HMCN2: variants seen among roughly 807,000 people sequenced by gnomAD.
HMCN2 encodes the protein hemicentin-2.
Under a neutral mutation model 377.5 loss-of-function variants are expected in HMCN2, and 325 were observed. The observed-to-expected ratio is 0.86, with a 90% CI of 0.79 to 0.94. HMCN2 has a LOEUF of 0.94. Ranked by LOEUF, HMCN2 falls within the 40% of genes least tolerant of loss-of-function variation. The pLI is 0.00. For synonymous variants in HMCN2, 2,007 were observed against 2,046.8 expected, an observed-to-expected ratio of 0.98 and a Z score of 0.53; for missense variants, 4,543 against 4,725.3, an observed-to-expected ratio of 0.96 and a Z score of 1.13.
rs1416907983 is a variant in HMCN2, at chr9:130,400,877, G to T, written c.11700G>T (p.Pro3900=). ...LTCHSTGIPA[P]TVSWSKAGAQ... is the part of the protein sequence containing the mutation. ...GTCACAGCACGGGTATACCAGCTCC[G>T]ACCGTGTCCTGGAGCAAGGCAGGCG... The change falls in exon 77 of 98, where the codon CCG becomes CCT. Residue 3900 remains proline, a synonymous_variant. Transcript: ENST00000683500. The T allele has an allele frequency of 3.1e-6, 4 of 1,289,542 alleles. No individual in the cohort carries two copies. Among genetic ancestry groups the T allele is most frequent in the Non-Finnish European group, 3.0e-6 (3 of 988,750 alleles). 79.9% of individuals were successfully genotyped at this position (1,289,542 alleles called of 1,614,324 possible).
intron 34 of HMCN2, among the ~76,000 whole-genome samples, chr9:130,357,219 T>C (rs558807423): frequency 1.9e-4 from 22 of 117,464 alleles, no homozygotes; most frequent in African/African-American, 7.1e-4. Context: ...GGCGGGTAGA[T>C]GGATGAATGG....
In HMCN2 at chr9:130,360,396, T is replaced by A. The variant is rs116945311; in HGVS notation, c.5774-32T>A. 1.8e-5 allele frequency: 22 copies of A among 1,209,202 alleles called. No individual in the cohort carries two copies. Among genetic ancestry groups the A allele is most frequent in the African/African-American group, 4.8e-5 (3 of 62,014 alleles). 74.9% of individuals were successfully genotyped at this position (1,209,202 alleles called of 1,614,324 possible). A position where few individuals can be genotyped will look rare whatever the true frequency, so the allele number is the denominator to read the frequency against. The stretch of plus-strand genomic sequence containing the variant: ...CCATTCCCCCTTGCTTCTCTCTTCC[T>A]TTCCCCCTTGCATCTCTCTTCCTTT... On this transcript the variant is annotated intron_variant, in intron 37 of 97. Transcript: ENST00000683500. The surrounding 1 kb of genome is among the most constrained non-coding windows in gnomAD (Gnocchi z 4.7).
chr9:130,315,159 G>A (rs1160659364), intron 15 of HMCN2, among the ~76,000 whole-genome samples: 17 of 131,572 alleles, frequency 1.3e-4, no homozygotes, highest in Non-Finnish European at 3.2e-5. Context: ...CTTTGAACCT[G>A]CCCTAGACGA....
At chr9:130,322,746 A>G (rs1837923855) in intron 19 of HMCN2, among the ~76,000 whole-genome samples, 1 of 152,164 alleles carries the variant, frequency 6.6e-6, no homozygotes, top group Non-Finnish European at 1.5e-5. Context: ...TGGAATTTTT[A>G]GTGTCTTGCC....
intron 85 of HMCN2, among the ~76,000 whole-genome samples, chr9:130,412,567 C>CTTTTTTTTTTTTTTTTTTTTTT (rs55873444): frequency 7.4e-6 from 1 of 134,528 alleles, no homozygotes; most frequent in Non-Finnish European, 1.6e-5. Context: ...CTTTCTTTCT[C>CTTTTTTTTTTTTTTTTTTTTTT]TTTTTTTTTT....
In HMCN2 at chr9:130,410,602, C is replaced by T; in HGVS notation, c.12911C>T (p.Ala4304Val). The T allele has an allele frequency of 6.4e-7, 1 of 1,550,592 alleles. No homozygotes were observed. The highest frequency in any genetic ancestry group is 8.7e-7 in the Non-Finnish European group (1 of 1,147,004). Reference sequence around the variant, plus strand: ...GATGCGGGACGGTACCAGTGCCTGGCAGAGAATGAGATGGGCGTGGCGAAG... The same window carrying T: ...GATGCGGGACGGTACCAGTGCCTGGTAGAGAATGAGATGGGCGTGGCGAAG... ...RDDAGRYQCL[A>V]ENEMGVAKKV... The change falls in exon 85 of 98, where the codon GCA (alanine) becomes GTA (valine). Residue 4304 changes from alanine to valine, a missense_variant. Ala to Val is a moderately conservative substitution (Grantham distance 64). Transcript: ENST00000683500.
Position 130,383,534 on chromosome 9 carries a change from A to G in HMCN2, c.8764A>G (p.Ser2922Gly), listed in dbSNP as rs1588359701. 1.0e-6 allele frequency: 1 copy of G among 986,054 alleles called. No individual in the cohort carries two copies. The highest frequency in any genetic ancestry group is 1.7e-5 in the African/African-American group (1 of 57,346). The allele number at this position is 986,054 out of a possible 1,614,324, so 61.1% of individuals were successfully genotyped here. A position where few individuals can be genotyped will look rare whatever the true frequency, so the allele number is the denominator to read the frequency against. Residue 2922 changes from serine to glycine, a missense_variant, in exon 57 of 98, where the codon AGC becomes GGC. Physicochemically the swap from Ser to Gly is moderately conservative, Grantham distance 56. Coordinates refer to ENST00000683500, the MANE Select transcript of HMCN2 (RefSeq NM_001291815.2). Reference protein sequence around the residue: ...VSTAEVADAASYMCVAENQAG... With the variant: ...VSTAEVADAAGYMCVAENQAG... ...CACGGCAGAGGTGGCCGACGCCGCC[A>G]GCTACATGTGTGTGGCCGAGAACCA... is the stretch of plus-strand genomic sequence containing the variant.
At chr9:130,334,990 C>G (rs1838667298) in intron 22 of HMCN2, among the ~76,000 whole-genome samples, 1 of 152,170 alleles carries the variant, frequency 6.6e-6, no homozygotes, top group African/African-American at 2.4e-5. Flanking sequence ...GCATGTGCCA[C>G]TATGCCCAGC....
intron 22 of HMCN2, among the ~76,000 whole-genome samples, chr9:130,336,345 T>G (rs1364641909): frequency 6.6e-6 from 1 of 152,196 alleles, no homozygotes; most frequent in Non-Finnish European, 1.5e-5. Flanking sequence ...CAAAACTTTG[T>G]GTATTATTTA....
In HMCN2 at chr9:130,384,462, C is replaced by G. The variant is rs1046143695; in HGVS notation, c.8920C>G (p.Pro2974Ala). ...VSLPCDVHAH[P>A]NPEVTWYKDS... ...CCTCCCTTGCGACGTCCACGCTCAC[C>G]CAAACCCCGAGGTCACGTGGTACAA... The change falls in exon 58 of 98, where the codon CCA (proline) becomes GCA (alanine). Residue 2974 changes from proline to alanine, a missense_variant. Pro to Ala is a conservative substitution (Grantham distance 27). Coordinates refer to ENST00000683500, the MANE Select transcript of HMCN2 (RefSeq NM_001291815.2). The G allele has an allele frequency of 6.1e-6, 8 of 1,304,260 alleles. No homozygotes were observed. The highest frequency in any genetic ancestry group is 8.1e-6 in the Non-Finnish European group (8 of 988,970). 80.8% of individuals were successfully genotyped at this position (1,304,260 alleles called of 1,614,324 possible). A position where few individuals can be genotyped will look rare whatever the true frequency, so the allele number is the denominator to read the frequency against.
rs1200082983 is a variant in HMCN2 at position 130,399,529 on chromosome 9, C to T, written c.11502C>T (p.Ala3834=). The T allele has an allele frequency of 1.6e-6, 2 of 1,289,054 alleles. No individual in the cohort carries two copies. The highest frequency in any genetic ancestry group is 2.0e-6 in the Non-Finnish European group (2 of 988,286). 79.9% of individuals were successfully genotyped at this position (1,289,054 alleles called of 1,614,324 possible). ...QGAYRLLPSN[A]LLLTAPGPQD... ...ACCCCAGGCTCCTGCCCTCCAACGC[C>T]CTGCTCCTCACGGCCCCCGGCCCCC... The change falls in exon 76 of 98, where the codon GCC becomes GCT. Residue 3834 remains alanine, a synonymous_variant. Transcript: ENST00000683500.
At position 130,375,942 on chromosome 9, in the gene HMCN2, C is replaced by T; in HGVS notation, c.7871C>T (p.Thr2624Ile). 2.0e-6 allele frequency: 2 copies of T among 985,882 alleles called. No individual in the cohort carries two copies. The highest frequency in any genetic ancestry group is 2.4e-6 in the Non-Finnish European group (2 of 829,992). 61.1% of individuals were successfully genotyped at this position (985,882 alleles called of 1,614,324 possible). A position where few individuals can be genotyped will look rare whatever the true frequency, so the allele number is the denominator to read the frequency against. The change falls in exon 51 of 98, where the codon ACC becomes ATC. Residue 2624 changes from threonine to isoleucine, a missense_variant. Coordinates refer to ENST00000683500, the MANE Select transcript of HMCN2 (RefSeq NM_001291815.2). ...EDAGQYTCVV[T>I]NELGEAVKNY... is the part of the protein sequence containing the mutation. ...GCTGGCCAGTACACCTGCGTGGTCA[C>T]CAATGAGCTCGGGGAGGCCGTGAAA...
intron 8 of HMCN2, among the ~76,000 whole-genome samples, 189 bp from the exon 9 acceptor site, chr9:130,302,668 C>T (rs1055150976): frequency 6.6e-6 from 1 of 152,200 alleles, no homozygotes; most frequent in African/African-American, 2.4e-5. Flanking sequence ...CTCAGGACAA[C>T]AGGACGAGGA....
At chr9:130,343,136 G>A (rs1024718321) in intron 25 of HMCN2, among the ~76,000 whole-genome samples, 6 of 152,330 alleles carry the variant, frequency 3.9e-5, no homozygotes, top group Admixed American at 1.3e-4. Flanking sequence ...GTGGATGCCT[G>A]GCTTCTGCCT....
chr9:130,326,248 C>G (rs1455932071), intron 21 of HMCN2, among the ~76,000 whole-genome samples: 1 of 152,152 alleles, frequency 6.6e-6, no homozygotes, highest in Non-Finnish European at 1.5e-5. Context: ...GTTCCCCCAC[C>G]TCTGGGCCCA....
chr9:130,325,095 TC>T (rs1204523659), intron 19 of HMCN2, among the ~76,000 whole-genome samples: 14,792 of 80,594 alleles, frequency 0.18, 1,037 homozygotes, highest in Middle Eastern at 0.28. Flanking sequence ...TTCTTCTTCT[TC>T]TTTTTTTTTT....
chr9:130,416,101 T>TG (rs1491363429), intron 85 of HMCN2, among the ~76,000 whole-genome samples: 3 of 18,852 alleles, frequency 1.6e-4, no homozygotes, highest in Admixed American at 1.3e-3. Flanking sequence ...AGAGGCTTTA[T>TG]TTTTTTTTTT....
chr9:130,369,461 C>A lies in HMCN2; in HGVS notation c.6788-109C>A, dbSNP rs1840892249. The A allele has an allele frequency of 1.8e-6, 1 of 555,356 alleles. No homozygotes were observed. Among genetic ancestry groups the A allele is most frequent in the African/African-American group, 2.0e-5 (1 of 48,860 alleles). The allele number at this position is 555,356 out of a possible 1,614,324, so 34.4% of individuals were successfully genotyped here. A position where few individuals can be genotyped will look rare whatever the true frequency, so the allele number is the denominator to read the frequency against. On this transcript the variant is annotated intron_variant, in intron 44 of 97. Transcript: ENST00000683500. The surrounding 1 kb of genome is among the most constrained non-coding windows in gnomAD (Gnocchi z 4.5). ...GAGGTGAGGTCACGAGGTCACACAGCCAGCGATGGCAAGGGGAGAGGGTGT... is the reference window on the plus strand; with the variant it reads ...GAGGTGAGGTCACGAGGTCACACAGACAGCGATGGCAAGGGGAGAGGGTGT...
At chr9:130,330,076 TC>T (rs1267095085) in intron 22 of HMCN2, among the ~76,000 whole-genome samples, 2 of 151,008 alleles carry the variant, frequency 1.3e-5, no homozygotes, top group Middle Eastern at 3.2e-3. Context: ...TCCTTGTCCT[TC>T]CTTCTCCAAG....
Sources: gnomAD v4.1 joint callset for allele counts (sites outside exome capture counted in the v4.1 genomes callset) on GRCh38, gnomAD v4.1.1 for gene constraint, Gnocchi (gnomAD v3.1) non-coding constraint, MANE v1.5 for transcripts, NCBI Gene and HGNC (gene_info 2026-07-23, HGNC 2026-07-21) for gene names.